The following DLG2 variants were observed in gnomAD, a reference collection of about 807,000 sequenced individuals.
The protein encoded by DLG2 is disks large homolog 2.
DLG2 carries 45 observed loss-of-function variants against 132.5 expected under a neutral mutation model. The observed-to-expected ratio is 0.34, with a 90% CI of 0.27 to 0.44. DLG2 has a LOEUF of 0.44. Ranked by LOEUF, DLG2 falls within the 20% of genes least tolerant of loss-of-function variation. The pLI, the probability that DLG2 is intolerant of heterozygous loss-of-function variation, is 1.00. For synonymous variants in DLG2, 424 were observed against 419.6 expected (o/e 1.01, Z -0.13); for missense variants, 1,045 against 1,196.9 (o/e 0.87, Z 1.87).
intron 7 of DLG2, among the ~76,000 whole-genome samples, chr11:84,306,186 T>A (rs2098216025): frequency 6.6e-6 from 1 of 152,150 alleles, no homozygotes; most frequent in African/African-American, 2.4e-5. Context: ...ATGACTGACA[T>A]GTTAATTACT....
rs544588957 is a variant in DLG2 at position 83,790,431 on chromosome 11, C to G, written c.1723-3639G>C. 9 of 1,090,196 alleles carry G rather than the reference C, an allele frequency of 8.3e-6. No individual in the cohort carries two copies. The Admixed American group carries it at 1.6e-4, about 19-fold the overall frequency. The allele number at this position is 1,090,196 out of a possible 1,614,324, so 67.5% of individuals were successfully genotyped here. On this transcript the variant is annotated intron_variant, in intron 17 of 27. Coordinates refer to ENST00000376104, the MANE Select transcript of DLG2 (RefSeq NM_001142699.3). ...CATGTGATTGGTCCCCAGTACCATCCTTGTTTTGCAAGATCTTTTTAGCTC... is the reference window on the plus strand; with the variant it reads ...CATGTGATTGGTCCCCAGTACCATCGTTGTTTTGCAAGATCTTTTTAGCTC...
At position 84,016,096 on chromosome 11, in the gene DLG2, C is replaced by T. The variant is rs575559174; in HGVS notation, c.920-35454G>A. ...CATTCTGACTGGTGTGAGATGGTAT[C>T]TCTTTGCGGTTTTTATTTGCGTTTC... is the stretch of plus-strand genomic sequence containing the variant. On this transcript the variant is annotated intron_variant, in intron 11 of 27. Coordinates refer to ENST00000376104, the MANE Select transcript of DLG2 (RefSeq NM_001142699.3). 8.5e-5 allele frequency among the ~76,000 whole-genome samples: 13 copies of T among 152,200 alleles called. 1 individual carries two copies. In the South Asian group the frequency reaches 2.7e-3, roughly 32 times the overall value.
intron 7 of DLG2, among the ~76,000 whole-genome samples, chr11:84,471,720 C>A (rs535229647): frequency 3.3e-5 from 5 of 151,678 alleles, no homozygotes; most frequent in African/African-American, 4.8e-5. Flanking sequence ...AAATTGGTTT[C>A]TTTTTGTTCT....
At chr11:84,059,657 A>C (rs74972332) in intron 10 of DLG2, among the ~76,000 whole-genome samples, 173 bp from the exon 11 acceptor site, 9,775 of 152,130 alleles carry the variant, frequency 0.064, 995 homozygotes, top group African/African-American at 0.22. Flanking sequence ...ATGTCAAACT[A>C]CTCAAGCCTC....
intron 15 of DLG2, among the ~76,000 whole-genome samples, chr11:83,898,160 G>T (rs12295065): frequency 0.097 from 14,682 of 152,082 alleles, 840 homozygotes; most frequent in Middle Eastern, 0.2. Flanking sequence ...AGATCTATGT[G>T]TAAATGTGAG....
rs997344141 is a variant in DLG2, at chr11:84,944,482, T to C, written c.357+167179A>G. On this transcript the variant is annotated intron_variant, in intron 6 of 27. Transcript: ENST00000376104. ...AACTGCCTGTCTTCAAGCTCACTAA[T>C]TTTTTCTTCTGCTTGATCAGTTCCG... is the stretch of plus-strand genomic sequence containing the variant. Among the ~76,000 whole-genome samples the C allele has an allele frequency of 6.6e-5, 10 of 152,190 alleles. 1 individual carries two copies. The highest frequency in any genetic ancestry group is 3.9e-4 in the Admixed American group (6 of 15,280).
intron 3 of DLG2, among the ~76,000 whole-genome samples, chr11:85,384,871 C>G (rs1226146521): frequency 6.6e-6 from 1 of 152,196 alleles, no homozygotes; most frequent in Non-Finnish European, 1.5e-5. Context: ...CCCACCTGAC[C>G]AAGTTATTAA....
At chr11:85,538,645 G>A (rs1451457847) in intron 3 of DLG2, among the ~76,000 whole-genome samples, 1 of 151,932 alleles carries the variant, frequency 6.6e-6, no homozygotes, top group Admixed American at 6.6e-5. Flanking sequence ...ATACACCGTG[G>A]AATGCTATGC....
intron 7 of DLG2, among the ~76,000 whole-genome samples, chr11:84,268,214 C>T (rs1188882320): frequency 3.3e-5 from 5 of 152,158 alleles, no homozygotes; most frequent in African/African-American, 9.7e-5. Flanking sequence ...TTCTAGCCTT[C>T]GCTGGTTATC....
chr11:83,719,477 G>T (rs974880083), intron 18 of DLG2, among the ~76,000 whole-genome samples: 5 of 152,178 alleles, frequency 3.3e-5, no homozygotes, highest in Admixed American at 3.3e-4. Flanking sequence ...CAAGAAACAT[G>T]GCACCAGCAT....
At chr11:84,960,228 G>A (rs1175229639) in intron 6 of DLG2, among the ~76,000 whole-genome samples, 1 of 152,004 alleles carries the variant, frequency 6.6e-6, no homozygotes, top group Admixed American at 6.6e-5. Context: ...CGCCCATAAA[G>A]GTGAAAAGTC....
intron 6 of DLG2, among the ~76,000 whole-genome samples, chr11:84,618,777 C>T (rs1049701663): frequency 2.0e-5 from 3 of 151,990 alleles, no homozygotes; most frequent in Non-Finnish European, 1.5e-5. Context: ...TAGGATGAAA[C>T]AGACTACTAT....
chr11:83,900,748 G>C (rs2073175967), intron 15 of DLG2, among the ~76,000 whole-genome samples: 1 of 152,220 alleles, frequency 6.6e-6, no homozygotes, highest in South Asian at 2.1e-4. Flanking sequence ...GGGTAGTGTG[G>C]AAGGGAAGTG....
intron 7 of DLG2, among the ~76,000 whole-genome samples, chr11:84,503,004 A>C (rs994685076): frequency 4.6e-5 from 7 of 152,206 alleles, no homozygotes; most frequent in Non-Finnish European, 4.4e-5. Flanking sequence ...ACAAAAACTG[A>C]CTATGCTAAG....
chr11:85,259,492 C>G (rs1390737681), intron 4 of DLG2, among the ~76,000 whole-genome samples: 1 of 152,006 alleles, frequency 6.6e-6, no homozygotes, highest in Non-Finnish European at 1.5e-5. Flanking sequence ...AAGACTAATT[C>G]CACCATGTCA....
At chr11:84,614,248 G>A (rs1209739962) in intron 6 of DLG2, among the ~76,000 whole-genome samples, 6 of 152,124 alleles carry the variant, frequency 3.9e-5, no homozygotes, top group Non-Finnish European at 5.9e-5. Flanking sequence ...AATAGAGGCT[G>A]GGAAGATTGG....
intron 6 of DLG2, among the ~76,000 whole-genome samples, chr11:84,980,054 A>T (rs1037615726): frequency 6.6e-5 from 10 of 152,216 alleles, no homozygotes; most frequent in African/African-American, 1.9e-4. Flanking sequence ...CCTTAGTATC[A>T]TTTTCAAAAT....
intron 21 of DLG2, among the ~76,000 whole-genome samples, chr11:83,520,644 TAG>T (rs1565615493): frequency 1.7e-5 from 2 of 114,946 alleles, no homozygotes; most frequent in African/African-American, 5.5e-5. Flanking sequence ...GGTAGGTAGA[TAG>T]ATAGATAGAT....
intron 9 of DLG2, among the ~76,000 whole-genome samples, chr11:84,142,168 G>A (rs1438621564): frequency 6.6e-6 from 1 of 151,944 alleles, no homozygotes; most frequent in Non-Finnish European, 1.5e-5. Context: ...TGCACATGGT[G>A]GCACATGCCT....
Sources: allele counts gnomAD v4.1 joint callset (sites outside exome capture counted in the v4.1 genomes callset), GRCh38; gene constraint gnomAD v4.1.1; transcripts MANE v1.5; gene names NCBI Gene and HGNC (gene_info 2026-07-23, HGNC 2026-07-21).